The following RP1 variants were observed in gnomAD, a reference collection of about 807,000 sequenced individuals.
RP1 encodes oxygen-regulated protein 1.
Under a neutral mutation model 14.8 loss-of-function variants are expected in RP1, and 16 were observed. The ratio of observed to expected loss-of-function variants is 1.08; its 90% confidence interval spans 0.73 to 1.65. The LOEUF (loss-of-function observed/expected upper bound fraction) is 1.65, where lower values mean the gene tolerates loss of function less well. Among genes scored for constraint, RP1 ranks in the 40% most tolerant of loss-of-function variants. The pLI is 0.00. For synonymous variants in RP1, 876 were observed against 883.6 expected (o/e 0.99, Z 0.15); for missense variants, 2,631 against 2,535.0 (o/e 1.04, Z -0.81).
chr8:54,854,790 G>T (rs1198210009), intron 26 of RP1, among the ~76,000 whole-genome samples: 1 of 152,136 alleles, frequency 6.6e-6, no homozygotes, highest in Non-Finnish European at 1.5e-5. Context: ...ACCTGAACCC[G>T]GGAATTGGAG....
chr8:54,698,158 T>C (rs1807916338), intron 12 of RP1, among the ~76,000 whole-genome samples: 2 of 152,176 alleles, frequency 1.3e-5, no homozygotes, highest in African/African-American at 4.8e-5. Flanking sequence ...AAAGGGCTAA[T>C]ATCCAGAATC....
chr8:54,785,207 C>T lies in RP1; in HGVS notation c.3615+1497C>T, dbSNP rs541880130. ...CCAGCTTTAGGAAACTAGTAATCTA[C>T]TTTCTGTCTCTACACATTTGCCTGT... On this transcript the variant is annotated intron_variant, in intron 24 of 28. Coordinates refer to the RP1 transcript ENST00000637698. Among the ~76,000 whole-genome samples the T allele has an allele frequency of 2.6e-5, 4 of 152,194 alleles. No individual in the cohort carries two copies. In the East Asian group the frequency reaches 7.7e-4, roughly 29 times the overall value.
intron 1 of RP1, among the ~76,000 whole-genome samples, chr8:54,586,981 C>T (rs537266159): frequency 9.0e-4 from 137 of 152,310 alleles, no homozygotes; most frequent in African/African-American, 2.8e-3. Flanking sequence ...GGCTCATGCT[C>T]GGTGCACTGC....
At chr8:54,819,166 T>C (rs1811199428) in intron 24 of RP1, among the ~76,000 whole-genome samples, 1 of 152,016 alleles carries the variant, frequency 6.6e-6, no homozygotes, top group South Asian at 2.1e-4. Context: ...TTATTCTTTT[T>C]TCTCCTCTGT....
chr8:54,709,522 A>AAAGCC (rs1378572170), intron 15 of RP1, among the ~76,000 whole-genome samples: 1 of 152,238 alleles, frequency 6.6e-6, no homozygotes, highest in Non-Finnish European at 1.5e-5. Context: ...CAATTTGAAA[A>AAAGCC]AAGCCAGAGG....
intron 25 of RP1, among the ~76,000 whole-genome samples, chr8:54,843,971 A>C (rs1313243689): frequency 1.3e-5 from 2 of 152,194 alleles, no homozygotes; most frequent in Non-Finnish European, 2.9e-5. Flanking sequence ...AAGGTTCCAC[A>C]AAAAATACCC....
At chr8:54,807,254 A>C (rs1309439411) in intron 24 of RP1, among the ~76,000 whole-genome samples, 1 of 152,244 alleles carries the variant, frequency 6.6e-6, no homozygotes, top group Non-Finnish European at 1.5e-5. Flanking sequence ...AGACTGAAGT[A>C]GTCTCAAACA....
intron 1 of RP1, among the ~76,000 whole-genome samples, chr8:54,596,212 G>A (rs7843113): frequency 6.6e-6 from 1 of 151,976 alleles, no homozygotes; most frequent in South Asian, 2.1e-4. Context: ...CATTTAGATC[G>A]GTTTCATCTG....
In RP1 at chr8:54,588,778, T is replaced by G. The variant is rs146095783; in HGVS notation, c.-13+29458T>G. ...TTAATATTCTTTGCTTTTCGGCTTT[T>G]GTTCAGATACTGTATCCTCTATCTT... On this transcript the variant is annotated intron_variant, in intron 1 of 22. Coordinates refer to the RP1 transcript ENST00000636932. Among the ~76,000 whole-genome samples the G allele has an allele frequency of 5.1e-3, 784 of 152,366 alleles. 9 individuals are homozygous for G. Among genetic ancestry groups the G allele is most frequent in the Non-Finnish European group, 6.7e-3 (458 of 68,038 alleles).
chr8:54,809,014 T>A (rs1346511454), intron 24 of RP1, among the ~76,000 whole-genome samples: 1 of 152,250 alleles, frequency 6.6e-6, no homozygotes, highest in Non-Finnish European at 1.5e-5. Context: ...AAAGCTCTAG[T>A]TCTACCAAGT....
At chr8:54,849,498 T>C (rs3735980) in intron 25 of RP1, among the ~76,000 whole-genome samples, 120,789 of 151,966 alleles carry the variant, frequency 0.79, 48,665 homozygotes, top group African/African-American at 0.95. Flanking sequence ...GAAAAGCAAG[T>C]ATATTAAAAA....
chr8:54,824,229 T>C (rs1409856637), intron 24 of RP1, among the ~76,000 whole-genome samples: 1 of 152,102 alleles, frequency 6.6e-6, no homozygotes, highest in Non-Finnish European at 1.5e-5. Context: ...ACAGAGGTTA[T>C]CACTATAGAT....
At chr8:54,744,296 G>A (rs1056215605) in intron 19 of RP1, among the ~76,000 whole-genome samples, 5 of 152,124 alleles carry the variant, frequency 3.3e-5, no homozygotes, top group South Asian at 2.1e-4. Flanking sequence ...AAGCCACAGC[G>A]CAGGCCTATA....
At chr8:54,670,912 C>G (rs183719623) in intron 7 of RP1, among the ~76,000 whole-genome samples, 1 of 151,184 alleles carries the variant, frequency 6.6e-6, no homozygotes, top group African/African-American at 2.4e-5. Context: ...CTTGGCTTAC[C>G]GCAAGCCTCT....
At chr8:54,776,318 C>T (rs1034388436) in intron 23 of RP1, among the ~76,000 whole-genome samples, 22 of 152,156 alleles carry the variant, frequency 1.4e-4, no homozygotes, top group Non-Finnish European at 1.2e-4. Context: ...CCTCCTACCT[C>T]GGCTTCCTGA....
intron 1 of RP1, among the ~76,000 whole-genome samples, chr8:54,620,041 G>GT (rs1398555267): frequency 6.6e-6 from 1 of 152,060 alleles, no homozygotes; most frequent in South Asian, 2.1e-4. Flanking sequence ...TGTCTCTGTT[G>GT]TTTTTTAAAT....
In RP1 at chr8:54,630,684, A is replaced by C; in HGVS notation, c.*331A>C. On this transcript the variant is annotated 3_prime_UTR_variant, in exon 4 of 4. Coordinates refer to ENST00000220676, the MANE Select transcript of RP1 (RefSeq NM_006269.2). ...GACAAGAATTATATCCTTTTTAAAA[A>C]ATGTTGTTAGCTTGGTGTAAAATGT... 9.1e-7 allele frequency: 1 copy of C among 1,104,500 alleles called. No homozygotes were observed. The highest frequency in any genetic ancestry group is 1.1e-6 in the Non-Finnish European group (1 of 904,510). The allele number at this position is 1,104,500 out of a possible 1,614,324, so 68.4% of individuals were successfully genotyped here.
chr8:54,631,389 C>T (rs1806243693), downstream of RP1, among the ~76,000 whole-genome samples: 1 of 151,984 alleles, frequency 6.6e-6, no homozygotes. Flanking sequence ...TGAAAGGGCA[C>T]AAAGTTTTGG....
chr8:54,680,017 A>G (rs1807390705), intron 12 of RP1: 3 of 1,446,670 alleles, frequency 2.1e-6, no homozygotes, highest in Non-Finnish European at 2.7e-6. Context: ...TTTAATTTAT[A>G]GTTTTGTTCT....
Sources: allele counts gnomAD v4.1 joint callset (sites outside exome capture counted in the v4.1 genomes callset), GRCh38; gene constraint gnomAD v4.1.1; transcripts MANE v1.5; gene names NCBI Gene and HGNC (gene_info 2026-07-23, HGNC 2026-07-21).